Variants in CNN3 observed in about 807,000 individuals in gnomAD.
The protein encoded by CNN3 is calponin-3.
Under a neutral mutation model 39.0 loss-of-function variants are expected in CNN3, and 11 were observed. The ratio of observed to expected loss-of-function variants is 0.28; its 90% CI spans 0.18 to 0.47. The LOEUF is 0.47. CNN3 is among the 20% of genes least tolerant of loss of function. The pLI is 0.99. For synonymous variants in CNN3, 101 were observed against 138.3 expected (o/e 0.73, Z 1.89); for missense variants, 266 against 403.4 (o/e 0.66, Z 2.92).
chr1:94,907,081 G>T (rs765152510), intron 1 of CNN3, among the ~76,000 whole-genome samples: 27 of 151,436 alleles, frequency 1.8e-4, no homozygotes, highest in East Asian at 1.7e-3. Flanking sequence ...GAGTGGTTGT[G>T]GGGGGGAGCT....
chr1:94,925,591 C>T, intron 1 of CNN3: 2 of 983,838 alleles, frequency 2.0e-6, no homozygotes, highest in Non-Finnish European at 2.4e-6. Flanking sequence ...AGACAAGAGC[C>T]ACAACTCTCC....
At chr1:94,910,905 G>A (rs1671144323) in intron 1 of CNN3, among the ~76,000 whole-genome samples, 1 of 152,134 alleles carries the variant, frequency 6.6e-6, no homozygotes, top group African/African-American at 2.4e-5. Context: ...CTGCAGACAG[G>A]CTCACCTGGG....
At position 94,898,209 on chromosome 1, in the gene CNN3, G is replaced by C. The variant is rs566918930; in HGVS notation, c.649-126C>G. 8.1e-5 allele frequency: 82 copies of C among 1,007,342 alleles called. 1 individual carries two copies. Among genetic ancestry groups the C allele is most frequent in the Non-Finnish European group, 1.1e-4 (78 of 700,986 alleles). 62.4% of individuals were successfully genotyped at this position (1,007,342 alleles called of 1,614,324 possible). ...ACATGAACTTTCATTTGGTTCAGGGGTAAAGCTAGCTTAACCAAAATATCC... is the reference window on the plus strand; with the variant it reads ...ACATGAACTTTCATTTGGTTCAGGGCTAAAGCTAGCTTAACCAAAATATCC... On this transcript the variant is annotated intron_variant, in intron 6 of 6. Coordinates refer to ENST00000370206, the MANE Select transcript of CNN3 (RefSeq NM_001839.5).
At chr1:94,921,693 T>C (rs1248280744) in intron 1 of CNN3, among the ~76,000 whole-genome samples, 1 of 152,206 alleles carries the variant, frequency 6.6e-6, no homozygotes, top group African/African-American at 2.4e-5. Flanking sequence ...TCTAAAGGAC[T>C]GTCTAGAGAC....
intron 1 of CNN3, among the ~76,000 whole-genome samples, chr1:94,904,497 C>G (rs1469879544): frequency 6.6e-6 from 1 of 152,136 alleles, no homozygotes; most frequent in Non-Finnish European, 1.5e-5. Flanking sequence ...CACCTGTAAT[C>G]TCGGCACTTT....
At chr1:94,918,506 AT>A (rs199845975) in intron 1 of CNN3, among the ~76,000 whole-genome samples, 22,270 of 77,684 alleles carry the variant, frequency 0.29, 2,015 homozygotes, top group Non-Finnish European at 0.36. Context: ...AAAAAATAAA[AT>A]AAAAAAAAAA....
At chr1:94,918,771 G>A (rs1434743844) in intron 1 of CNN3, among the ~76,000 whole-genome samples, 2 of 151,830 alleles carry the variant, frequency 1.3e-5, no homozygotes, top group East Asian at 3.9e-4. Flanking sequence ...GTGCGCGACT[G>A]TAATCCCAGC....
At chr1:94,898,136 G>T in intron 6 of CNN3, 53 bp from the exon 7 acceptor site, 4 of 1,472,928 alleles carry the variant, frequency 2.7e-6, no homozygotes, top group Non-Finnish European at 3.7e-6. Flanking sequence ...ATCTATTCTT[G>T]TGAATAATTT....
chr1:94,904,732 G>A (rs1670952471), intron 1 of CNN3, among the ~76,000 whole-genome samples: 2 of 150,518 alleles, frequency 1.3e-5, no homozygotes, highest in Admixed American at 1.3e-4. Flanking sequence ...GGGCAGCAGA[G>A]TGAGACCCTG....
At chr1:94,906,465 G>A (rs967434628) in intron 1 of CNN3, among the ~76,000 whole-genome samples, 4 of 135,992 alleles carry the variant, frequency 2.9e-5, no homozygotes, top group Admixed American at 2.8e-4. Context: ...ATTGTAAGGT[G>A]ATTTTTTTTT....
chr1:94,911,224 C>T (rs957601517), intron 1 of CNN3, among the ~76,000 whole-genome samples: 2 of 152,150 alleles, frequency 1.3e-5, no homozygotes, highest in African/African-American at 2.4e-5. Flanking sequence ...ATGGCACGAA[C>T]GTGCTAAAGA....
chr1:94,903,621 C>T, intron 1 of CNN3, 97 bp from the exon 2 acceptor site: 1 of 1,513,814 alleles, frequency 6.6e-7, no homozygotes, highest in Non-Finnish European at 9.0e-7. Flanking sequence ...ATTAAGACCA[C>T]AGCTGTGAAG....
At chr1:94,925,360 A>G (rs1671549186) in intron 1 of CNN3, among the ~76,000 whole-genome samples, 1 of 152,234 alleles carries the variant, frequency 6.6e-6, no homozygotes, top group Non-Finnish European at 1.5e-5. Flanking sequence ...GGAAGGAAGG[A>G]AACAGTAACT....
chr1:94,919,182 T>C (rs777379511), intron 1 of CNN3, among the ~76,000 whole-genome samples: 1 of 152,068 alleles, frequency 6.6e-6, no homozygotes, highest in Non-Finnish European at 1.5e-5. Context: ...TCCAATTCTT[T>C]GAAGAAAGAT....
At position 94,898,049 on chromosome 1, in the gene CNN3, A is replaced by C; in HGVS notation, c.683T>G (p.Ile228Ser). 1 of 1,614,046 alleles carries C rather than the reference A, an allele frequency of 6.2e-7. No homozygotes were observed. Among genetic ancestry groups the C allele is most frequent in the South Asian group, 1.1e-5 (1 of 91,076 alleles). The stretch of plus-strand genomic sequence containing the variant: ...CTGTAATGTTAGCTTCTGATCATAG[A>C]TGTCTCTTCTGGTACCTGGTGCTAA... ...GMLAPGTRRD[I>S]YDQKLTLQPV... is the part of the protein sequence containing the mutation. Residue 228 changes from isoleucine to serine, a missense_variant, in exon 7 of 7, where the codon ATC becomes AGC. By Grantham distance (142) the Ile-to-Ser change is moderately radical (BLOSUM62 -2). Transcript: ENST00000370206.
intron 1 of CNN3, among the ~76,000 whole-genome samples, chr1:94,910,530 G>A (rs1390762208): frequency 6.6e-6 from 1 of 152,108 alleles, no homozygotes; most frequent in Non-Finnish European, 1.5e-5. Flanking sequence ...GGTATCTCAT[G>A]CAAGGACAAT....
chr1:94,903,895 TG>T (rs1243380046), intron 1 of CNN3, among the ~76,000 whole-genome samples: 1 of 152,132 alleles, frequency 6.6e-6, no homozygotes, highest in Non-Finnish European at 1.5e-5. Context: ...CAAAAAAAGC[TG>T]GGGAAAGGAT....
chr1:94,919,005 T>C (rs1167530598), intron 1 of CNN3, among the ~76,000 whole-genome samples: 3 of 152,280 alleles, frequency 2.0e-5, no homozygotes, highest in African/African-American at 4.8e-5. Flanking sequence ...TGCATGTTTT[T>C]TGAAGGTGAT....
At chr1:94,913,005 T>C (rs1244666807) in intron 1 of CNN3, among the ~76,000 whole-genome samples, 1 of 152,148 alleles carries the variant, frequency 6.6e-6, no homozygotes, top group African/African-American at 2.4e-5. Flanking sequence ...TTAGATGTGT[T>C]CTCTTCTGTT....
Sources: gnomAD v4.1 joint callset for allele counts (sites outside exome capture counted in the v4.1 genomes callset) on GRCh38, gnomAD v4.1.1 for gene constraint, MANE v1.5 for transcripts, NCBI Gene and HGNC (gene_info 2026-07-23, HGNC 2026-07-21) for gene names.